The following TRHDE variants were observed in gnomAD, a reference collection of about 807,000 sequenced individuals.
TRHDE encodes thyrotropin releasing hormone degrading enzyme.
In TRHDE, 72 loss-of-function variants were observed where a neutral mutation model predicts 125.7. The observed-to-expected ratio is 0.57, with a 90% confidence interval of 0.47 to 0.70. The LOEUF is 0.70. TRHDE is among the 30% of genes least tolerant of loss of function. TRHDE has a pLI of 0.00. For missense variants in TRHDE, 1,110 were observed against 1,327.1 expected (o/e 0.84, Z 2.54); for synonymous variants, 509 against 509.1 (o/e 1.00, Z 0.00).
At chr12:72,553,029 T>C (rs1287131398) in intron 7 of TRHDE, among the ~76,000 whole-genome samples, 5 of 152,164 alleles carry the variant, frequency 3.3e-5, no homozygotes, top group African/African-American at 1.2e-4. Context: ...AAATCCTTTC[T>C]GATGATTTAT....
intron 3 of TRHDE, among the ~76,000 whole-genome samples, chr12:72,394,140 A>C (rs1259553478): frequency 6.6e-6 from 1 of 152,196 alleles, no homozygotes; most frequent in Admixed American, 6.5e-5. Flanking sequence ...TTACTTTATC[A>C]TGCTTAATTT....
In TRHDE at chr12:72,588,380, GC is replaced by G. The variant is rs1871529343; in HGVS notation, c.2321+12841del. ...TTCCAGAGGAACAGCAAGTGCAAAGGCCCTGAGGGAGCATGTGCTTGGCATG... is the reference window on the plus strand; with the variant it reads ...TTCCAGAGGAACAGCAAGTGCAAAGGCCTGAGGGAGCATGTGCTTGGCATG... On this transcript the variant is annotated intron_variant, in intron 12 of 18. Transcript: ENST00000261180. Among the ~76,000 whole-genome samples the G allele has an allele frequency of 2.0e-5, 3 of 152,290 alleles. No individual in the cohort carries two copies. The South Asian group carries it at 6.2e-4, about 32-fold the overall frequency.
At chr12:72,343,416 T>C (rs1220607871) in intron 2 of TRHDE, among the ~76,000 whole-genome samples, 2 of 152,134 alleles carry the variant, frequency 1.3e-5, no homozygotes, top group South Asian at 2.1e-4. Flanking sequence ...AAAATATGCC[T>C]ATGAATGGAC....
chr12:72,179,612 C>T (rs999858946), intron 2 of TRHDE, among the ~76,000 whole-genome samples: 1 of 152,128 alleles, frequency 6.6e-6, no homozygotes, highest in Non-Finnish European at 1.5e-5. Flanking sequence ...CTGATCCTCT[C>T]AGTGAGATAC....
intron 6 of TRHDE, among the ~76,000 whole-genome samples, chr12:72,508,053 C>T (rs1437886932): frequency 6.6e-6 from 1 of 152,216 alleles, no homozygotes; most frequent in Non-Finnish European, 1.5e-5. Flanking sequence ...TGGGAGCCTA[C>T]ACCTAGATTT....
chr12:72,288,478 G>T (rs929144208), intron 2 of TRHDE, among the ~76,000 whole-genome samples: 3 of 151,924 alleles, frequency 2.0e-5, no homozygotes, highest in Non-Finnish European at 2.9e-5. Context: ...TACTCTTTTG[G>T]ATTTATAATC....
chr12:72,427,120 G>A (rs1315085066), intron 3 of TRHDE, among the ~76,000 whole-genome samples: 1 of 152,084 alleles, frequency 6.6e-6, no homozygotes, highest in Admixed American at 6.6e-5. Context: ...CAACTATGCT[G>A]TTGTAGCCTG....
intron 12 of TRHDE, among the ~76,000 whole-genome samples, chr12:72,586,366 A>G (rs556900143): frequency 1.3e-5 from 2 of 152,314 alleles, no homozygotes; most frequent in African/African-American, 4.8e-5. Context: ...GATTTGAAAT[A>G]CATGATGTTC....
intron 2 of TRHDE, among the ~76,000 whole-genome samples, chr12:72,210,272 G>C (rs1384478138): frequency 6.6e-6 from 1 of 152,040 alleles, no homozygotes; most frequent in Admixed American, 6.5e-5. Context: ...GACATTAAAA[G>C]TTTTAGTAAC....
intron 2 of TRHDE, among the ~76,000 whole-genome samples, chr12:72,311,139 A>G (rs1868522792): frequency 6.6e-6 from 1 of 152,048 alleles, no homozygotes; most frequent in African/African-American, 2.4e-5. Context: ...ATCACTCCAA[A>G]ATGTTCCTTT....
intron 2 of TRHDE, among the ~76,000 whole-genome samples, chr12:72,296,184 C>T (rs543643609): frequency 6.6e-6 from 1 of 152,274 alleles, no homozygotes; most frequent in South Asian, 2.1e-4. Context: ...AGTCAATTTC[C>T]ATCAGAGATA....
intron 1 of TRHDE, among the ~76,000 whole-genome samples, chr12:72,088,882 A>C (rs926411721): frequency 7.3e-5 from 11 of 151,714 alleles, no homozygotes; most frequent in African/African-American, 2.7e-4. Context: ...AATACTATCC[A>C]TATGCTAATT....
At chr12:72,302,262 G>GTGGGTGCA (rs914341799) in intron 2 of TRHDE, among the ~76,000 whole-genome samples, 6 of 151,840 alleles carry the variant, frequency 4.0e-5, no homozygotes, top group African/African-American at 1.5e-4. Flanking sequence ...GTGTGTGTGT[G>GTGGGTGCA]TGTGTGTGCA....
At chr12:72,551,134 AAT>A (rs1869653329) in intron 7 of TRHDE, among the ~76,000 whole-genome samples, 1 of 152,114 alleles carries the variant, frequency 6.6e-6, no homozygotes, top group Non-Finnish European at 1.5e-5. Context: ...CTCTATATTT[AAT>A]ATGTCAAAAT....
intron 2 of TRHDE, among the ~76,000 whole-genome samples, chr12:72,135,723 A>G (rs911416293): frequency 1.3e-5 from 2 of 152,024 alleles, no homozygotes; most frequent in Non-Finnish European, 2.9e-5. Context: ...TTACCGCTGA[A>G]CTCTGAGATT....
chr12:72,428,238 CA>C (rs1451873812), intron 3 of TRHDE, among the ~76,000 whole-genome samples: 6 of 152,058 alleles, frequency 3.9e-5, no homozygotes, highest in Admixed American at 3.3e-4. Context: ...AATGTATCTA[CA>C]TAATGACTCT....
intron 5 of TRHDE, among the ~76,000 whole-genome samples, chr12:72,498,995 T>TC: frequency 6.6e-6 from 1 of 151,388 alleles, no homozygotes; most frequent in Non-Finnish European, 1.5e-5. Context: ...GTGTGTGTTT[T>TC]GTGTGAGTGT....
chr12:72,274,395 C>A (rs1879401514), intron 1 of TRHDE: 1 of 152,160 alleles, frequency 6.6e-6, no homozygotes, highest in African/African-American at 2.4e-5. Flanking sequence ...TAAAAAATTT[C>A]CGAGAGGCCG....
intron 2 of TRHDE, among the ~76,000 whole-genome samples, chr12:72,240,203 G>A (rs1437245620): frequency 4.0e-5 from 6 of 151,184 alleles, no homozygotes; most frequent in Non-Finnish European, 7.4e-5. Flanking sequence ...AGTTATATGT[G>A]TGAATTGTAG....
Sources: allele counts gnomAD v4.1 joint callset (sites outside exome capture counted in the v4.1 genomes callset), GRCh38; gene constraint gnomAD v4.1.1; transcripts MANE v1.5; gene names NCBI Gene and HGNC (gene_info 2026-07-23, HGNC 2026-07-21).